The following TBC1D8B variants were observed in gnomAD, a reference collection of about 807,000 sequenced individuals.
TBC1D8B encodes RP11-321G1.1.
In TBC1D8B, 75 loss-of-function variants were observed where a neutral mutation model predicts 82.9. That is an observed-to-expected ratio of 0.90 (90% confidence interval 0.75 to 1.10). TBC1D8B has a LOEUF of 1.10. TBC1D8B is among the 50% of genes least tolerant of loss of function. The pLI is 0.00. For missense variants in TBC1D8B, 794 were observed against 796.9 expected (o/e 1.00, Z 0.04); for synonymous variants, 276 against 276.8 (o/e 1.00, Z 0.03).
intron 7 of TBC1D8B, among the ~76,000 whole-genome samples, chrX:106,830,642 G>T (rs1392041989): frequency 9.1e-6 from 1 of 110,092 alleles, no homozygotes; most frequent in Non-Finnish European, 1.9e-5. Context: ...CATGTCCTTT[G>T]TAGGGACATG....
At chrX:106,818,387 G>A (rs892474147) in intron 1 of TBC1D8B, 6 of 212,221 alleles carry the variant, frequency 2.8e-5, no homozygotes, top group South Asian at 3.5e-4. Context: ...CCTTATGAAC[G>A]AGATACATAA....
At chrX:106,804,781 T>C (rs925814713) in intron 1 of TBC1D8B, among the ~76,000 whole-genome samples, 1 of 110,024 alleles carries the variant, frequency 9.1e-6, no homozygotes, top group Admixed American at 9.7e-5. Flanking sequence ...CCCAGCTACT[T>C]GAGAGACTGA....
At chrX:106,873,166 C>T (rs1932861512) in intron 20 of TBC1D8B, among the ~76,000 whole-genome samples, 1 of 111,420 alleles carries the variant, frequency 9.0e-6, no homozygotes, top group Non-Finnish European at 1.9e-5. Context: ...GGCACGATCT[C>T]GGCTCACTGC....
At chrX:106,835,049 G>A (rs1188364400) in intron 7 of TBC1D8B, among the ~76,000 whole-genome samples, 1 of 111,999 alleles carries the variant, frequency 8.9e-6, no homozygotes, top group East Asian at 2.8e-4. Flanking sequence ...GACTCTATGT[G>A]GGGGCTCCGA....
chrX:106,849,879 G>T, intron 11 of TBC1D8B, 146 bp from the exon 12 acceptor site: 3 of 1,058,822 alleles, frequency 2.8e-6, no homozygotes, highest in Non-Finnish European at 3.6e-6. Context: ...GCAGTTAGAT[G>T]TATAAAATAC....
At chrX:106,830,843 C>T (rs924417639) in intron 7 of TBC1D8B, among the ~76,000 whole-genome samples, 10 of 106,056 alleles carry the variant, frequency 9.4e-5, no homozygotes, top group African/African-American at 3.4e-4. Flanking sequence ...ATACCTAATG[C>T]TAGAGGACGT....
chrX:106,848,223 C>T lies in TBC1D8B; in HGVS notation c.1757C>T (p.Ala586Val). Residue 586 changes from alanine (A) to valine (V), a missense_variant, in exon 11 of 21, where the codon GCA (alanine) becomes GTA (valine). Ala to Val is a moderately conservative substitution (Grantham distance 64). Transcript: ENST00000357242. ...NILTSVLLLY[A>V]KEEEAFWLLV... The stretch of plus-strand genomic sequence containing the variant: ...TTGACTTCAGTGCTGCTTCTATATG[C>T]AAAAGAGGAAGAAGCTTTTTGGCTT... 1 of 1,193,684 alleles carries T rather than the reference C, an allele frequency of 8.4e-7. No individual in the cohort carries two copies. Among genetic ancestry groups the T allele is most frequent in the Non-Finnish European group, 1.1e-6 (1 of 883,809 alleles).
intron 5 of TBC1D8B, 127 bp downstream of exon 5, chrX:106,823,593 G>GGTGT (rs1479242821): frequency 1.4e-6 from 1 of 702,187 alleles, no homozygotes; most frequent in Non-Finnish European, 2.0e-6. Flanking sequence ...GTTGATTGTG[G>GGTGT]GTGTGTGTGT....
rs896463648 is a variant in TBC1D8B at position 106,866,871 on chromosome X, T to G, written c.2728+9T>G. 7.0e-6 allele frequency: 8 copies of G among 1,141,389 alleles called. No individual in the cohort carries two copies. The Admixed American group carries it at 9.9e-5, about 14-fold the overall frequency. The allele number at this position is 1,141,389 out of a possible 1,213,427, so 94.1% of individuals were successfully genotyped here. On this transcript the variant is annotated intron_variant, in intron 17 of 20. Transcript: ENST00000357242. Reference sequence around the variant, plus strand: ...GCTACATATTCCTCCAGGTAAGAGTTTACCAGTCTTTAACGATGTACAGCA... The same window carrying G: ...GCTACATATTCCTCCAGGTAAGAGTGTACCAGTCTTTAACGATGTACAGCA...
rs755635051 is a variant in TBC1D8B at position 106,828,971 on chromosome X, A to G, written c.1203+1634A>G. On this transcript the variant is annotated intron_variant, in intron 7 of 20. Coordinates refer to ENST00000357242, the MANE Select transcript of TBC1D8B (RefSeq NM_017752.3). ...AATTAGGCAGGAGAAGGAAATAAAG[A>G]GTATTCAATTAGGAAAAGAGGAAGT... is the stretch of plus-strand genomic sequence containing the variant. 13 of 107,460 alleles carry G rather than the reference A, an allele frequency of 1.2e-4. No homozygotes were observed. In the South Asian group the frequency reaches 4.0e-3, roughly 33 times the overall value. 8.9% of individuals were successfully genotyped at this position (107,460 alleles called of 1,213,427 possible).
intron 10 of TBC1D8B, among the ~76,000 whole-genome samples, chrX:106,846,986 C>T (rs1166784809): frequency 8.9e-6 from 1 of 112,071 alleles, no homozygotes; most frequent in Non-Finnish European, 1.9e-5. Context: ...GTGAAATAAA[C>T]ATTTAAACAC....
chrX:106,812,907 G>A (rs986239484), intron 1 of TBC1D8B, among the ~76,000 whole-genome samples: 1 of 110,104 alleles, frequency 9.1e-6, no homozygotes, highest in East Asian at 2.8e-4. Flanking sequence ...GGGGTGCAGC[G>A]GCGCAATCTC....
chrX:106,809,507 GT>G (rs199981770), intron 1 of TBC1D8B, among the ~76,000 whole-genome samples: 1 of 110,643 alleles, frequency 9.0e-6, no homozygotes, highest in Non-Finnish European at 1.9e-5. Flanking sequence ...TTTTCTAGAA[GT>G]TTTTTCTGTG....
chrX:106,847,516 T>C (rs755197057), intron 10 of TBC1D8B, among the ~76,000 whole-genome samples: 1 of 111,920 alleles, frequency 8.9e-6, no homozygotes, highest in Non-Finnish European at 1.9e-5. Flanking sequence ...TACTTTATAA[T>C]AAGGGATGTG....
intron 1 of TBC1D8B, among the ~76,000 whole-genome samples, chrX:106,813,138 G>C (rs1015743226): frequency 8.9e-6 from 1 of 112,263 alleles, no homozygotes; most frequent in Non-Finnish European, 1.9e-5. Flanking sequence ...GATTAAAGGC[G>C]TGAGTCACCA....
At chrX:106,813,915 G>C (rs1209245284) in intron 1 of TBC1D8B, 3 of 109,807 alleles carry the variant, frequency 2.7e-5, no homozygotes, top group Non-Finnish European at 5.7e-5. Flanking sequence ...GTGCAGGTTA[G>C]TTACATATGT....
intron 14 of TBC1D8B, among the ~76,000 whole-genome samples, chrX:106,863,148 G>A (rs753319583): frequency 8.9e-6 from 1 of 112,111 alleles, no homozygotes. Context: ...GCTCAGGCTG[G>A]GTGCTCGTAG....
At position 106,840,579 on chromosome X, in the gene TBC1D8B, C is replaced by G. The variant is rs772717077; in HGVS notation, c.1505-91C>G. ...ATCACTTAAGCATAAGGCTAAATAT[C>G]AAGGTAATGAAATCCAATTATTTAT... On this transcript the variant is annotated intron_variant, in intron 9 of 20. Coordinates refer to ENST00000357242, the MANE Select transcript of TBC1D8B (RefSeq NM_017752.3). 2.5e-4 allele frequency: 207 copies of G among 823,423 alleles called. No homozygotes were observed. The South Asian group carries it at 4.1e-3, about 16-fold the overall frequency. 67.9% of individuals were successfully genotyped at this position (823,423 alleles called of 1,213,427 possible). A position where few individuals can be genotyped will look rare whatever the true frequency, so the allele number is the denominator to read the frequency against.
intron 11 of TBC1D8B, 181 bp from the exon 12 acceptor site, chrX:106,849,844 G>A: frequency 9.7e-7 from 1 of 1,032,058 alleles, no homozygotes; most frequent in Non-Finnish European, 1.2e-6. Flanking sequence ...TTTGAATTGT[G>A]TTTCTGAAGT....
Sources: gnomAD v4.1 joint callset for allele counts (sites outside exome capture counted in the v4.1 genomes callset) on GRCh38, gnomAD v4.1.1 for gene constraint, MANE v1.5 for transcripts, NCBI Gene and HGNC (gene_info 2026-07-23, HGNC 2026-07-21) for gene names.